DNAH7: variants seen among roughly 807,000 people sequenced by gnomAD.
DNAH7 encodes the protein dynein axonemal heavy chain 7, also known as axonemal beta dynein heavy chain 7.
Under a neutral mutation model 444.6 loss-of-function variants are expected in DNAH7, and 397 were observed. The observed-to-expected ratio is 0.89, with a 90% CI of 0.82 to 0.97. DNAH7 has a LOEUF of 0.97. DNAH7 is among the 50% of genes least tolerant of loss of function. The probability of loss-of-function intolerance (pLI) is 0.00; values close to 1 mark genes in which losing one functional copy is unlikely to be tolerated. For synonymous variants in DNAH7, 1,636 were observed against 1,624.4 expected (o/e 1.01, Z -0.17); for missense variants, 4,902 against 4,800.8 (o/e 1.02, Z -0.62).
At chr2:195,870,177 C>A (rs932695997) in intron 40 of DNAH7, among the ~76,000 whole-genome samples, 1 of 152,144 alleles carries the variant, frequency 6.6e-6, no homozygotes, top group African/African-American at 2.4e-5. Context: ...GTGCCAGGCA[C>A]TGGGAAAACC....
At chr2:195,758,837 T>C (rs1312972357) in intron 61 of DNAH7, among the ~76,000 whole-genome samples, 7 of 152,152 alleles carry the variant, frequency 4.6e-5, no homozygotes, top group Non-Finnish European at 4.4e-5. Flanking sequence ...GAAAGAAGCA[T>C]TTAGACCAAC....
At chr2:195,938,372 A>ACACG (rs1394616979) in intron 19 of DNAH7, among the ~76,000 whole-genome samples, 3 of 151,826 alleles carry the variant, frequency 2.0e-5, no homozygotes, top group African/African-American at 7.3e-5. Flanking sequence ...ACACACACAC[A>ACACG]CACACACACA....
chr2:196,063,097 G>A (rs898640984), intron 1 of DNAH7, among the ~76,000 whole-genome samples: 1 of 152,130 alleles, frequency 6.6e-6, no homozygotes, highest in Non-Finnish European at 1.5e-5. Flanking sequence ...AGCCAGGCTG[G>A]TCTCGAACTC....
intron 10 of DNAH7, among the ~76,000 whole-genome samples, chr2:196,012,133 C>G (rs1575017734): frequency 6.6e-6 from 1 of 152,142 alleles, no homozygotes; most frequent in African/African-American, 2.4e-5. Flanking sequence ...GCTATGCTAG[C>G]AGTTTCATGT....
Position 195,923,617 on chromosome 2 carries a change from C to T in DNAH7, c.3803G>A (p.Ser1268Asn). The stretch of plus-strand genomic sequence containing the variant: ...TACTTGCCAGTAGTACCTAAGCTGA[C>T]TTAACCATTCAAAGTCAGAGTCATC... ...ISDDSDFEWL[S>N]QLRYYWQENH... The change falls in exon 23 of 65, where the codon AGT (serine) becomes AAT (asparagine). Residue 1268 changes from serine to asparagine, a missense_variant. Transcript: ENST00000312428. 6.2e-7 allele frequency: 1 copy of T among 1,614,052 alleles called. No individual in the cohort carries two copies. The highest frequency in any genetic ancestry group is 8.5e-7 in the Non-Finnish European group (1 of 1,180,008).
At chr2:195,973,305 T>C (rs1231361664) in intron 15 of DNAH7, among the ~76,000 whole-genome samples, 1 of 152,182 alleles carries the variant, frequency 6.6e-6, no homozygotes, top group African/African-American at 2.4e-5. Flanking sequence ...TTCAAGGTAA[T>C]AGGAGCTCCT....
intron 15 of DNAH7, among the ~76,000 whole-genome samples, chr2:195,982,601 T>C (rs930583853): frequency 4.6e-5 from 7 of 152,072 alleles, no homozygotes; most frequent in African/African-American, 7.2e-5. Context: ...AACAGATGAA[T>C]AGAAAAAGAA....
At chr2:195,788,977 T>C (rs1695750141) in intron 57 of DNAH7, among the ~76,000 whole-genome samples, 1 of 152,214 alleles carries the variant, frequency 6.6e-6, no homozygotes, top group Admixed American at 6.5e-5. Context: ...TACAGACAGA[T>C]AATGCAGTAG....
At chr2:196,019,320 TAC>T (rs753884507) in intron 8 of DNAH7, 25 bp from the exon 9 acceptor site, 2 of 1,442,390 alleles carry the variant, frequency 1.4e-6, no homozygotes, top group Non-Finnish European at 1.8e-6. Context: ...AATATTTAGT[TAC>T]AGTCTCAAAA....
intron 10 of DNAH7, among the ~76,000 whole-genome samples, chr2:196,011,459 A>G (rs1168796534): frequency 6.6e-6 from 1 of 152,096 alleles, no homozygotes; most frequent in Non-Finnish European, 1.5e-5. Flanking sequence ...AAGCCAGAAA[A>G]AGATAAATGG....
intron 38 of DNAH7, 93 bp downstream of exon 38, chr2:195,875,582 T>A: frequency 8.4e-7 from 1 of 1,191,434 alleles, no homozygotes; most frequent in Non-Finnish European, 1.2e-6. Context: ...CACAAAACAC[T>A]GCAACTCAAA....
At chr2:195,961,030 T>C (rs1691063802) in intron 17 of DNAH7, 85 bp from the exon 18 acceptor site, 11 of 1,182,454 alleles carry the variant, frequency 9.3e-6, no homozygotes, top group Non-Finnish European at 1.2e-5. Flanking sequence ...CTATTTCAAA[T>C]GTGAGCCAAA....
intron 34 of DNAH7, among the ~76,000 whole-genome samples, chr2:195,885,852 G>A (rs1701677532): frequency 6.6e-6 from 1 of 152,148 alleles, no homozygotes; most frequent in South Asian, 2.1e-4. Context: ...TGACATTTTG[G>A]GAATGGATCA....
intron 46 of DNAH7, among the ~76,000 whole-genome samples, chr2:195,845,943 C>T (rs1383325154): frequency 6.6e-6 from 1 of 152,176 alleles, no homozygotes; most frequent in South Asian, 2.1e-4. Context: ...TAGACATAGG[C>T]CCTGGCCAAG....
intron 57 of DNAH7, among the ~76,000 whole-genome samples, chr2:195,792,564 C>A (rs1477817045): frequency 6.6e-6 from 1 of 151,956 alleles, no homozygotes; most frequent in Non-Finnish European, 1.5e-5. Context: ...ACACTGAATA[C>A]TAGACCAATG....
chr2:196,018,437 C>A (rs1695158667), intron 9 of DNAH7, among the ~76,000 whole-genome samples: 1 of 151,916 alleles, frequency 6.6e-6, no homozygotes, highest in African/African-American at 2.4e-5. Flanking sequence ...CCCATGTAAA[C>A]AAAGGGACCA....
chr2:195,864,945 A>G lies in DNAH7; in HGVS notation c.6710T>C (p.Leu2237Ser). 6.2e-7 allele frequency: 1 copy of G among 1,610,504 alleles called. No individual in the cohort carries two copies. Among genetic ancestry groups the G allele is most frequent in the Non-Finnish European group, 8.5e-7 (1 of 1,179,990 alleles). ...AAAATCTTCATACATGTAGTTTCTC[A>G]AAATTTCTTGAATGTAGTTGATGAG... ...SWLINYIQEI[L>S]RNYMYEDFHE... The change falls in exon 41 of 65, where the codon TTG (leucine) becomes TCG (serine). Residue 2237 changes from leucine to serine, a missense_variant. By Grantham distance (145) the Leu-to-Ser change is moderately radical. Transcript: ENST00000312428.
intron 57 of DNAH7, among the ~76,000 whole-genome samples, chr2:195,791,843 G>A (rs1695891212): frequency 6.6e-6 from 1 of 152,170 alleles, no homozygotes; most frequent in South Asian, 2.1e-4. Flanking sequence ...ATAAGTGGGA[G>A]CTAAACATTG....
At chr2:195,906,527 G>T in intron 27 of DNAH7, 132 bp downstream of exon 27, 2 of 533,880 alleles carry the variant, frequency 3.7e-6, no homozygotes, top group Non-Finnish European at 2.9e-6. Context: ...CTGAGTTCAA[G>T]TGATCCTCCC....
Sources: allele counts gnomAD v4.1 joint callset (sites outside exome capture counted in the v4.1 genomes callset), GRCh38; gene constraint gnomAD v4.1.1; transcripts MANE v1.5; gene names NCBI Gene and HGNC (gene_info 2026-07-23, HGNC 2026-07-21).